NTNG1: variants seen among roughly 807,000 people sequenced by gnomAD.
The protein encoded by NTNG1 is netrin G1, also known as netrin-G1.
In NTNG1, 16 loss-of-function variants were observed where a neutral mutation model predicts 54.0. The observed-to-expected ratio is 0.30, with a 90% CI of 0.20 to 0.45. The LOEUF (loss-of-function observed/expected upper bound fraction) is 0.45, where lower values mean the gene tolerates loss of function less well. Ranked by LOEUF, NTNG1 falls within the 20% of genes least tolerant of loss-of-function variation. NTNG1 has a pLI of 1.00. For missense variants in NTNG1, 530 were observed against 678.7 expected, an observed-to-expected ratio of 0.78 and a Z score of 2.43; for synonymous variants, 255 against 263.1, an observed-to-expected ratio of 0.97 and a Z score of 0.30.
At chr1:107,346,036 G>T (rs747450996) in intron 3 of NTNG1, among the ~76,000 whole-genome samples, 2 of 152,174 alleles carry the variant, frequency 1.3e-5, no homozygotes, top group African/African-American at 4.8e-5. Context: ...GATAAGCCTC[G>T]ATTTGAGTTG....
rs148735107 is a variant in NTNG1, at chr1:107,425,437, G to T, written c.1088-5313G>T. 9.9e-5 allele frequency among the ~76,000 whole-genome samples: 15 copies of T among 152,036 alleles called. No individual in the cohort carries two copies. The East Asian group carries it at 2.1e-3, about 22-fold the overall frequency. On this transcript the variant is annotated intron_variant, in intron 5 of 7. Transcript: ENST00000370068. Reference sequence around the variant, plus strand: ...TTATACATAAGAACATGCAATATTTGATTCTCTGCTTCTCTGTTAGTTCAC... The same window carrying T: ...TTATACATAAGAACATGCAATATTTTATTCTCTGCTTCTCTGTTAGTTCAC...
At chr1:107,281,021 C>G (rs1490797724) in intron 2 of NTNG1, among the ~76,000 whole-genome samples, 1 of 151,930 alleles carries the variant, frequency 6.6e-6, no homozygotes, top group African/African-American at 2.4e-5. Flanking sequence ...CACATCTCAC[C>G]CTTACTCTCA....
At chr1:107,375,416 T>C (rs1297734033) in intron 3 of NTNG1, among the ~76,000 whole-genome samples, 2 of 152,218 alleles carry the variant, frequency 1.3e-5, no homozygotes, top group African/African-American at 4.8e-5. Flanking sequence ...TTGTTGCTGT[T>C]GTTTCAGGTG....
intron 3 of NTNG1, among the ~76,000 whole-genome samples, chr1:107,382,764 C>CCTCT (rs138605469): frequency 1.4e-3 from 209 of 149,194 alleles, no homozygotes; most frequent in African/African-American, 4.6e-3. Flanking sequence ...TTTCCCTTTT[C>CCTCT]CTCTCTCTCT....
chr1:107,141,315 G>T (rs1210133971), intron 1 of NTNG1, 175 bp downstream of exon 1: 1 of 150,418 alleles, frequency 6.6e-6, no homozygotes, highest in East Asian at 2.0e-4. Context: ...AGGCTCCGCG[G>T]GAGCTGCCGC....
rs561259402 is a variant in NTNG1, at chr1:107,244,841, GA to G, written c.247-79440del. Among the ~76,000 whole-genome samples, 5 of 152,310 alleles carry G rather than the reference GA, an allele frequency of 3.3e-5. No individual in the cohort carries two copies. In the South Asian group the frequency reaches 8.3e-4, roughly 25 times the overall value. Reference sequence around the variant, plus strand: ...GGTCTGGACTGTGCATCTTGCACTGGAGAATTTAGCTGTCACTTTGGAGCCT... The same window carrying G: ...GGTCTGGACTGTGCATCTTGCACTGGGAATTTAGCTGTCACTTTGGAGCCT... On this transcript the variant is annotated intron_variant, in intron 2 of 7. Transcript: ENST00000370068.
rs140290457 is a variant in NTNG1 at position 107,350,345 on chromosome 1, G to A, written c.887+25423G>A. On this transcript the variant is annotated intron_variant, in intron 3 of 7. Coordinates refer to ENST00000370068, the MANE Select transcript of NTNG1 (RefSeq NM_001113226.3). The stretch of plus-strand genomic sequence containing the variant: ...TGGCTTGAATTTTCATTCTCTTTAT[G>A]GTGACTTTTGATGAATAGATGTTCA... 3.6e-4 allele frequency among the ~76,000 whole-genome samples: 55 copies of A among 151,754 alleles called. No individual in the cohort carries two copies. The East Asian group carries it at 7.9e-3, about 22-fold the overall frequency.
chr1:107,211,519 G>T (rs906801112), intron 2 of NTNG1, among the ~76,000 whole-genome samples: 3 of 152,034 alleles, frequency 2.0e-5, no homozygotes, highest in Non-Finnish European at 4.4e-5. Flanking sequence ...AAATATTTTT[G>T]CAGGGAAGAG....
chr1:107,299,002 G>A (rs1666156831), intron 2 of NTNG1, among the ~76,000 whole-genome samples: 1 of 152,152 alleles, frequency 6.6e-6, no homozygotes, highest in Non-Finnish European at 1.5e-5. Context: ...TATGGGTAGT[G>A]TTGCCTTGGG....
At chr1:107,285,664 A>G (rs1183412570) in intron 2 of NTNG1, among the ~76,000 whole-genome samples, 1 of 152,162 alleles carries the variant, frequency 6.6e-6, no homozygotes, top group Non-Finnish European at 1.5e-5. Flanking sequence ...ATGGCAGGAG[A>G]CACATTGGCA....
chr1:107,237,989 T>A (rs977174942), intron 2 of NTNG1, among the ~76,000 whole-genome samples: 2 of 151,910 alleles, frequency 1.3e-5, no homozygotes, highest in African/African-American at 4.8e-5. Context: ...AGGGCCACCG[T>A]CCTCCAGATC....
intron 2 of NTNG1, among the ~76,000 whole-genome samples, chr1:107,301,200 T>G (rs1305794319): frequency 6.6e-6 from 1 of 152,208 alleles, no homozygotes; most frequent in African/African-American, 2.4e-5. Context: ...TTATTTTGAT[T>G]ATTAATTTGA....
intron 2 of NTNG1, among the ~76,000 whole-genome samples, chr1:107,171,536 T>A (rs1367233218): frequency 6.6e-6 from 1 of 152,192 alleles, no homozygotes; most frequent in African/African-American, 2.4e-5. Context: ...GGGTTCTTTT[T>A]CGGTCTCCTC....
chr1:107,168,970 C>A (rs904204611), intron 2 of NTNG1, among the ~76,000 whole-genome samples: 6 of 151,988 alleles, frequency 3.9e-5, no homozygotes, highest in African/African-American at 1.4e-4. Flanking sequence ...CAATCTGTAC[C>A]CATATTTAAT....
intron 2 of NTNG1, among the ~76,000 whole-genome samples, chr1:107,229,758 G>A (rs551318214): frequency 1.9e-3 from 292 of 151,394 alleles, no homozygotes; most frequent in Middle Eastern, 0.017. Flanking sequence ...TATTTTTAGC[G>A]TCTCAAGTGA....
At chr1:107,416,430 G>A (rs1674208798) in intron 5 of NTNG1, among the ~76,000 whole-genome samples, 1 of 152,062 alleles carries the variant, frequency 6.6e-6, no homozygotes, top group African/African-American at 2.4e-5. Flanking sequence ...CAGATTGTAA[G>A]TGAGGTGTCT....
intron 7 of NTNG1, among the ~76,000 whole-genome samples, chr1:107,469,282 A>C (rs1677823619): frequency 6.6e-6 from 1 of 152,064 alleles, no homozygotes; most frequent in Admixed American, 6.5e-5. Flanking sequence ...GTGTATGGGA[A>C]TCTTTGACAA....
intron 3 of NTNG1, among the ~76,000 whole-genome samples, chr1:107,367,973 G>T (rs1670698977): frequency 6.6e-6 from 1 of 152,134 alleles, no homozygotes; most frequent in Non-Finnish European, 1.5e-5. Flanking sequence ...ATGCTGGCCA[G>T]GGGATCAGGA....
intron 7 of NTNG1, among the ~76,000 whole-genome samples, chr1:107,471,758 C>T (rs7522375): frequency 0.49 from 74,609 of 152,064 alleles, 18,439 homozygotes; most frequent in Admixed American, 0.57. Context: ...CAGATGCTGT[C>T]TTTGAGGAAG....
Sources: gnomAD v4.1 joint callset for allele counts (sites outside exome capture counted in the v4.1 genomes callset) on GRCh38, gnomAD v4.1.1 for gene constraint, MANE v1.5 for transcripts, NCBI Gene and HGNC (gene_info 2026-07-23, HGNC 2026-07-21) for gene names.